RBPMS: variants seen among roughly 807,000 people sequenced by gnomAD.
The protein encoded by RBPMS is RNA binding protein, mRNA processing factor.
In RBPMS, 7 loss-of-function variants were observed where a neutral mutation model predicts 26.8. The ratio of observed to expected loss-of-function variants is 0.26; its 90% confidence interval spans 0.15 to 0.49. The LOEUF is 0.49. Ranked by LOEUF, RBPMS falls within the 20% of genes least tolerant of loss-of-function variation. RBPMS has a pLI of 0.98. For synonymous variants in RBPMS, 96 were observed against 93.3 expected (o/e 1.03, Z -0.17); for missense variants, 186 against 250.0 (o/e 0.74, Z 1.73).
intron 2 of RBPMS, among the ~76,000 whole-genome samples, chr8:30,475,199 C>A (rs1425767941): frequency 6.6e-6 from 1 of 152,116 alleles, no homozygotes; most frequent in African/African-American, 2.4e-5. Context: ...GCAAAACTTT[C>A]AAACAAAGTA....
intron 1 of RBPMS, among the ~76,000 whole-genome samples, chr8:30,412,382 CTG>C (rs1436457149): frequency 6.6e-6 from 1 of 151,976 alleles, no homozygotes; most frequent in Non-Finnish European, 1.5e-5. Flanking sequence ...GCCCAGATGA[CTG>C]TGGCAGTCCA....
At chr8:30,513,170 GA>G (rs1240829153) in intron 5 of RBPMS, among the ~76,000 whole-genome samples, 5 of 152,102 alleles carry the variant, frequency 3.3e-5, no homozygotes, top group Admixed American at 2.0e-4. Context: ...GCCCTAGGGT[GA>G]TAGCAAAAGA....
chr8:30,549,372 G>A, intron 6 of RBPMS: 2 of 771,100 alleles, frequency 2.6e-6, no homozygotes, highest in East Asian at 2.5e-5. Context: ...TGGCTATCCG[G>A]AAAACGACAG....
At chr8:30,507,466 A>G (rs1424522834) in intron 5 of RBPMS, among the ~76,000 whole-genome samples, 1 of 152,200 alleles carries the variant, frequency 6.6e-6, no homozygotes, top group African/African-American at 2.4e-5. Context: ...GTTACAGCAG[A>G]TATTGATCTT....
chr8:30,473,054 G>T (rs1817307884), intron 1 of RBPMS, among the ~76,000 whole-genome samples: 1 of 152,208 alleles, frequency 6.6e-6, no homozygotes, highest in African/African-American at 2.4e-5. Context: ...TGTTGCATCT[G>T]TGTTTGAGTA....
intron 4 of RBPMS, among the ~76,000 whole-genome samples, chr8:30,500,059 A>C (rs891089958): frequency 1.3e-5 from 2 of 152,204 alleles, no homozygotes; most frequent in Non-Finnish European, 2.9e-5. Flanking sequence ...AGCTGGTTGA[A>C]TGCTGTGTCC....
At chr8:30,550,072 G>A (rs560732265) in intron 6 of RBPMS, among the ~76,000 whole-genome samples, 2 of 151,966 alleles carry the variant, frequency 1.3e-5, no homozygotes, top group Non-Finnish European at 2.9e-5. Context: ...GGATGGTCTC[G>A]ATCTCATGAC....
chr8:30,549,197 C>T (rs1295773794), intron 6 of RBPMS, among the ~76,000 whole-genome samples: 1 of 152,232 alleles, frequency 6.6e-6, no homozygotes, highest in Non-Finnish European at 1.5e-5. Context: ...AACCCCTCAC[C>T]TGGCAGTCCT....
chr8:30,568,950 CGCCCTCCTCCTGCCT>C (rs1828079299), intron 8 of RBPMS, among the ~76,000 whole-genome samples: 1 of 152,186 alleles, frequency 6.6e-6, no homozygotes, highest in African/African-American at 2.4e-5. Context: ...GACTTGCTCC[CGCCCTCCTCCTGCCT>C]ATGTTCCTTC....
intron 6 of RBPMS, chr8:30,547,374 T>G: frequency 1.2e-6 from 2 of 1,613,824 alleles, no homozygotes; most frequent in Non-Finnish European, 1.7e-6. Flanking sequence ...GGGAATGTGT[T>G]TGTAACATAC....
At chr8:30,503,618 T>C (rs1189455262) in intron 4 of RBPMS, among the ~76,000 whole-genome samples, 1 of 152,046 alleles carries the variant, frequency 6.6e-6, no homozygotes, top group Non-Finnish European at 1.5e-5. Flanking sequence ...GGGGGATGCT[T>C]TGGAGCCCTC....
chr8:30,444,876 A>G (rs1038313966), intron 1 of RBPMS: 1 of 152,256 alleles, frequency 6.6e-6, no homozygotes, highest in African/African-American at 2.4e-5. Context: ...ACTCTTAAGC[A>G]CACGGTAAGA....
chr8:30,446,859 G>GCGCCC (rs1191162236), intron 1 of RBPMS: 1 of 148,008 alleles, frequency 6.8e-6, no homozygotes, highest in African/African-American at 2.6e-5. Context: ...GCGCGCGCGC[G>GCGCCC]GTGGAGGGTA....
rs1822589760 is a variant in RBPMS, at chr8:30,518,482, G to C, written c.397+14046G>C. ...GCTCTGTCTCTTAGGCTGGAGTGCA[G>C]TGGCATGATCTCAGCTCACTGCAAC... On this transcript the variant is annotated intron_variant, in intron 5 of 8. Transcript: ENST00000397323. 2.0e-5 allele frequency among the ~76,000 whole-genome samples: 3 copies of C among 151,778 alleles called. No individual in the cohort carries two copies. The South Asian group carries it at 6.3e-4, about 32-fold the overall frequency.
At chr8:30,390,855 T>C (rs1475730825) in intron 1 of RBPMS, among the ~76,000 whole-genome samples, 1 of 152,224 alleles carries the variant, frequency 6.6e-6, no homozygotes, top group Non-Finnish European at 1.5e-5. Context: ...CACTTACATA[T>C]ATACACGTAT....
At chr8:30,453,337 G>A (rs1585518270) in intron 1 of RBPMS, among the ~76,000 whole-genome samples, 1 of 152,148 alleles carries the variant, frequency 6.6e-6, no homozygotes, top group South Asian at 2.1e-4. Flanking sequence ...TCAATAAAAT[G>A]CTACATGAAA....
At chr8:30,551,483 ACCATTACTCT>A (rs1826376607) in intron 6 of RBPMS, among the ~76,000 whole-genome samples, 1 of 152,124 alleles carries the variant, frequency 6.6e-6, no homozygotes. Context: ...GACTGGGGGC[ACCATTACTCT>A]CCATTACTCC....
At chr8:30,514,676 C>T (rs1485740577) in intron 5 of RBPMS, among the ~76,000 whole-genome samples, 9 of 55,970 alleles carry the variant, frequency 1.6e-4, no homozygotes, top group African/African-American at 4.0e-4. Context: ...GCCACCATGC[C>T]GGGCTTTTTT....
intron 1 of RBPMS, among the ~76,000 whole-genome samples, chr8:30,417,631 C>T (rs1164491227): frequency 2.0e-5 from 3 of 152,216 alleles, no homozygotes; most frequent in African/African-American, 7.2e-5. Flanking sequence ...AGAAGTGTGA[C>T]CACAGTTAAC....
Sources: gnomAD v4.1 joint callset for allele counts (sites outside exome capture counted in the v4.1 genomes callset) on GRCh38, gnomAD v4.1.1 for gene constraint, MANE v1.5 for transcripts, NCBI Gene and HGNC (gene_info 2026-07-23, HGNC 2026-07-21) for gene names.